Variants in SUMF1 observed in about 807,000 individuals in gnomAD.
The protein encoded by SUMF1 is sulfatase modifying factor 1.
In SUMF1, 48 loss-of-function variants were observed where a neutral mutation model predicts 47.6. That is an observed-to-expected ratio of 1.01 (90% CI 0.80 to 1.28). The LOEUF (loss-of-function observed/expected upper bound fraction) is 1.28, where lower values mean the gene tolerates loss of function less well. SUMF1 is among the 50% of genes most tolerant of loss of function. The pLI is 0.00. For synonymous variants in SUMF1, 230 were observed against 192.1 expected, an observed-to-expected ratio of 1.20 and a Z score of -1.63; for missense variants, 571 against 485.4, an observed-to-expected ratio of 1.18 and a Z score of -1.66.
intron 8 of SUMF1, among the ~76,000 whole-genome samples, chr3:4,278,228 T>C (rs1697458296): frequency 6.6e-6 from 1 of 152,020 alleles, no homozygotes; most frequent in African/African-American, 2.4e-5. Context: ...TTATGGCATG[T>C]TCTATAATTT....
At chr3:4,254,023 G>A (rs1696880915) in intron 8 of SUMF1, among the ~76,000 whole-genome samples, 2 of 150,626 alleles carry the variant, frequency 1.3e-5, no homozygotes, top group Non-Finnish European at 3.0e-5. Flanking sequence ...CACACAGCAG[G>A]GTATTCCAAC....
At position 4,456,769 on chromosome 3, in the gene SUMF1, T is replaced by TACAC. The variant is rs1283544576; in HGVS notation, c.271-3724_271-3721dup. ...ACATATATACGTGTGTGTGTATATA[T>TACAC]ACACATATATACGTGTGTGTGTATA... On this transcript the variant is annotated intron_variant, in intron 1 of 8. Transcript: ENST00000272902. Among the ~76,000 whole-genome samples the TACAC allele has an allele frequency of 1.0e-3, 137 of 132,680 alleles. 6 individuals carry two copies. The highest frequency in any genetic ancestry group is 4.2e-3 in the Middle Eastern group (1 of 240). The allele number at this position is 132,680 out of a possible 152,430, so 87.0% of individuals were successfully genotyped here. A position where few individuals can be genotyped will look rare whatever the true frequency, so the allele number is the denominator to read the frequency against.
At chr3:4,066,074 C>T (rs946592701) in intron 9 of SUMF1, among the ~76,000 whole-genome samples, 2 of 151,970 alleles carry the variant, frequency 1.3e-5, no homozygotes, top group East Asian at 1.9e-4. Flanking sequence ...CCTCCTGGGG[C>T]ATAAAGCAGG....
chr3:4,364,589 A>C (rs1221806919), intron 8 of SUMF1, among the ~76,000 whole-genome samples: 2 of 148,380 alleles, frequency 1.3e-5, no homozygotes, highest in South Asian at 2.2e-4. Context: ...ATCATTTTTT[A>C]TTGGGTCTAT....
intron 8 of SUMF1, among the ~76,000 whole-genome samples, chr3:4,156,317 C>G (rs1045866270): frequency 1.3e-5 from 2 of 151,600 alleles, no homozygotes; most frequent in Non-Finnish European, 2.9e-5. Context: ...CCTGCCAACA[C>G]TCCTGTACTC....
chr3:4,402,628 A>G (rs1166210934), intron 7 of SUMF1, among the ~76,000 whole-genome samples: 2 of 152,122 alleles, frequency 1.3e-5, no homozygotes, highest in Non-Finnish European at 2.9e-5. Flanking sequence ...AAACAACCAA[A>G]TCTGTTGGTG....
chr3:4,312,715 A>C (rs1369645721), intron 8 of SUMF1, among the ~76,000 whole-genome samples: 3 of 151,302 alleles, frequency 2.0e-5, no homozygotes, highest in Non-Finnish European at 4.4e-5. Context: ...AAAAAAAAAA[A>C]AAAAAACTTG....
At chr3:4,087,083 T>C (rs1259881174) in intron 8 of SUMF1, among the ~76,000 whole-genome samples, 3 of 152,192 alleles carry the variant, frequency 2.0e-5, no homozygotes, top group Admixed American at 6.5e-5. Flanking sequence ...CCCACTTTAG[T>C]TTCCAAAGAG....
chr3:4,162,145 A>G (rs999817061), intron 8 of SUMF1, among the ~76,000 whole-genome samples: 6 of 151,890 alleles, frequency 4.0e-5, no homozygotes, highest in Admixed American at 1.3e-4. Flanking sequence ...AACTCTGTCT[A>G]ATGCCCTATC....
intron 8 of SUMF1, among the ~76,000 whole-genome samples, chr3:4,104,028 G>C (rs549536162): frequency 1.3e-5 from 2 of 152,126 alleles, no homozygotes; most frequent in South Asian, 2.1e-4. Context: ...GAAGATGAGA[G>C]ACCATGCTGG....
At chr3:4,171,607 T>C (rs1173763434) in intron 8 of SUMF1, among the ~76,000 whole-genome samples, 2 of 152,040 alleles carry the variant, frequency 1.3e-5, no homozygotes, top group South Asian at 4.2e-4. Flanking sequence ...GATGAGAAAA[T>C]AGATAACCCT....
At chr3:4,432,196 T>A (rs1406066723) in intron 3 of SUMF1, among the ~76,000 whole-genome samples, 1 of 151,468 alleles carries the variant, frequency 6.6e-6, no homozygotes, top group African/African-American at 2.4e-5. Flanking sequence ...GGAACTCCAA[T>A]CTCAAATTAA....
At chr3:4,048,386 T>C (rs1208735822) in intron 9 of SUMF1, among the ~76,000 whole-genome samples, 1 of 152,148 alleles carries the variant, frequency 6.6e-6, no homozygotes, top group Non-Finnish European at 1.5e-5. Context: ...AATACATTCA[T>C]ATCTGTTTTG....
At chr3:4,162,915 A>AAT (rs1231539855) in intron 8 of SUMF1, among the ~76,000 whole-genome samples, 1 of 151,832 alleles carries the variant, frequency 6.6e-6, no homozygotes, top group Non-Finnish European at 1.5e-5. Context: ...TAAAAAAAAA[A>AAT]AGGTTTTGAA....
At chr3:4,166,845 T>G (rs907356770) in intron 8 of SUMF1, among the ~76,000 whole-genome samples, 4 of 152,072 alleles carry the variant, frequency 2.6e-5, no homozygotes, top group African/African-American at 9.7e-5. Context: ...CAGAAGCTGG[T>G]TCCAGGCAAA....
At chr3:4,344,153 G>C (rs1357052797) in intron 8 of SUMF1, among the ~76,000 whole-genome samples, 2 of 152,192 alleles carry the variant, frequency 1.3e-5, no homozygotes, top group African/African-American at 4.8e-5. Flanking sequence ...TCCTTCACCG[G>C]CAACCAAGGT....
At chr3:4,241,060 A>G (rs548395577) in intron 8 of SUMF1, among the ~76,000 whole-genome samples, 88 of 152,234 alleles carry the variant, frequency 5.8e-4, no homozygotes, top group African/African-American at 2.0e-3. Context: ...GTAGAAAGTA[A>G]TTAGTAGTGG....
At position 4,138,546 on chromosome 3, in the gene SUMF1, T is replaced by C. The variant is rs1693997886; in HGVS notation, c.1015-69801A>G. 2.0e-5 allele frequency among the ~76,000 whole-genome samples: 3 copies of C among 152,082 alleles called. 1 individual carries two copies. The South Asian group carries it at 6.2e-4, about 32-fold the overall frequency. ...ACATGGACAGTATGTGATAAAGTCT[T>C]ACTAAAAACTCTGAAAACCAAAGCT... On this transcript the variant is annotated intron_variant and NMD_transcript_variant, in intron 8 of 12. Transcript: ENST00000448413.
At chr3:4,246,809 AT>A (rs1696682604) in intron 8 of SUMF1, among the ~76,000 whole-genome samples, 1 of 152,128 alleles carries the variant, frequency 6.6e-6, no homozygotes, top group African/African-American at 2.4e-5. Context: ...TGACCTTTCT[AT>A]GTTTCCCTAT....
Sources: gnomAD v4.1 joint callset for allele counts (sites outside exome capture counted in the v4.1 genomes callset) on GRCh38, gnomAD v4.1.1 for gene constraint, MANE v1.5 for transcripts, NCBI Gene and HGNC (gene_info 2026-07-23, HGNC 2026-07-21) for gene names.